Variants in NAALADL2 observed in about 807,000 individuals in gnomAD.
NAALADL2 encodes inactive N-acetylated-alpha-linked acidic dipeptidase-like protein 2.
In NAALADL2, 76 loss-of-function variants were observed where a neutral mutation model predicts 87.2. The ratio of observed to expected loss-of-function variants is 0.87; its 90% CI spans 0.72 to 1.05. NAALADL2 has a LOEUF of 1.05. NAALADL2 is among the 50% of genes least tolerant of loss of function. NAALADL2 has a pLI of 0.00. For synonymous variants in NAALADL2, 354 were observed against 331.0 expected, an observed-to-expected ratio of 1.07 and a Z score of -0.75; for missense variants, 1,089 against 945.8, an observed-to-expected ratio of 1.15 and a Z score of -1.99.
intron 1 of NAALADL2, among the ~76,000 whole-genome samples, chr3:175,095,384 C>G (rs1720973837): frequency 6.6e-6 from 1 of 151,972 alleles, no homozygotes; most frequent in Admixed American, 6.6e-5. Flanking sequence ...GGAATAAGGT[C>G]CTATTTATTT....
intron 11 of NAALADL2, among the ~76,000 whole-genome samples, chr3:175,736,479 CA>C (rs1744517956): frequency 6.6e-6 from 1 of 152,090 alleles, no homozygotes; most frequent in Non-Finnish European, 1.5e-5. Flanking sequence ...ACACACCAAA[CA>C]AAGAGTCTGT....
In NAALADL2 at chr3:175,224,601, C is replaced by T. The variant is rs558678551; in HGVS notation, c.546-9330C>T. On this transcript the variant is annotated intron_variant, in intron 2 of 13. Transcript: ENST00000454872. ...CCCACTCCCCACTGCCAAACTTTTGCTGAAAGTCTGCTCTTCTGGTATCAT... is the reference window on the plus strand; with the variant it reads ...CCCACTCCCCACTGCCAAACTTTTGTTGAAAGTCTGCTCTTCTGGTATCAT... Among the ~76,000 whole-genome samples the T allele has an allele frequency of 3.1e-4, 47 of 152,220 alleles. 1 individual carries two copies. Among genetic ancestry groups the T allele is most frequent in the Non-Finnish European group, 6.6e-4 (45 of 68,004 alleles).
chr3:175,802,849 G>A (rs1448945203), intron 13 of NAALADL2, among the ~76,000 whole-genome samples, 156 bp from the exon 14 acceptor site: 2 of 151,412 alleles, frequency 1.3e-5, no homozygotes, highest in African/African-American at 4.9e-5. Flanking sequence ...GTCTAAATTT[G>A]TTAATTCATT....
At chr3:175,342,318 T>A (rs1251113426) in intron 5 of NAALADL2, among the ~76,000 whole-genome samples, 1 of 152,070 alleles carries the variant, frequency 6.6e-6, no homozygotes, top group African/African-American at 2.4e-5. Context: ...TGATTACTTG[T>A]GGGTGGAAAG....
At chr3:175,529,707 A>C (rs1438065792) in intron 9 of NAALADL2, among the ~76,000 whole-genome samples, 1 of 152,164 alleles carries the variant, frequency 6.6e-6, no homozygotes, top group Non-Finnish European at 1.5e-5. Context: ...CCACTGCTGC[A>C]CTTCTTTAGC....
At chr3:175,214,775 G>A (rs1472325423) in intron 2 of NAALADL2, among the ~76,000 whole-genome samples, 1 of 152,010 alleles carries the variant, frequency 6.6e-6, no homozygotes, top group African/African-American at 2.4e-5. Flanking sequence ...AGTTAATAAG[G>A]ATATGATTTC....
intron 5 of NAALADL2, among the ~76,000 whole-genome samples, chr3:175,433,985 C>G (rs1718214308): frequency 6.6e-6 from 1 of 151,932 alleles, no homozygotes; most frequent in Non-Finnish European, 1.5e-5. Flanking sequence ...CCAAGTGTAT[C>G]TTCTCTCACT....
At chr3:174,885,879 T>G (rs1051772188) in intron 1 of NAALADL2, among the ~76,000 whole-genome samples, 523 of 4,932 alleles carry the variant, frequency 0.11, 11 homozygotes, top group East Asian at 0.42. Flanking sequence ...CCGAGTTGTT[T>G]TTTTTTTTTT....
intron 1 of NAALADL2, among the ~76,000 whole-genome samples, chr3:174,986,115 G>A (rs948254223): frequency 1.3e-5 from 2 of 151,444 alleles, no homozygotes; most frequent in African/African-American, 4.9e-5. Context: ...AATCTTAGCA[G>A]GTTATATATC....
intron 11 of NAALADL2, among the ~76,000 whole-genome samples, chr3:175,684,466 A>C (rs1257129638): frequency 6.6e-6 from 1 of 152,168 alleles, no homozygotes; most frequent in Non-Finnish European, 1.5e-5. Flanking sequence ...AATCCCAAAC[A>C]GCTATATAAG....
intron 4 of NAALADL2, among the ~76,000 whole-genome samples, chr3:175,316,529 C>T (rs1369208384): frequency 2.0e-5 from 3 of 152,074 alleles, no homozygotes; most frequent in Admixed American, 2.0e-4. Context: ...GACTTGACCC[C>T]GTTTTTCAGG....
intron 5 of NAALADL2, among the ~76,000 whole-genome samples, chr3:175,342,157 T>C (rs2148841645): frequency 6.6e-6 from 1 of 152,246 alleles, no homozygotes; most frequent in Admixed American, 6.5e-5. Flanking sequence ...TACATTTGCA[T>C]ATGAAGCATC....
intron 9 of NAALADL2, among the ~76,000 whole-genome samples, chr3:175,530,738 C>CAGG (rs1377869083): frequency 6.6e-6 from 1 of 152,116 alleles, no homozygotes; most frequent in Non-Finnish European, 1.5e-5. Context: ...CTTGTGCCTT[C>CAGG]AGGACCTGCT....
At chr3:175,520,282 A>ATTTTTT (rs35580351) in intron 9 of NAALADL2, among the ~76,000 whole-genome samples, 1 of 78,144 alleles carries the variant, frequency 1.3e-5, no homozygotes, top group Non-Finnish European at 2.4e-5. Context: ...AAAGAATGCA[A>ATTTTTT]TTTTTTTTTT....
At chr3:175,206,725 G>C (rs1433031170) in intron 2 of NAALADL2, among the ~76,000 whole-genome samples, 1 of 152,044 alleles carries the variant, frequency 6.6e-6, no homozygotes, top group Non-Finnish European at 1.5e-5. Flanking sequence ...AAAGAGCATA[G>C]AGAAAACCAA....
intron 3 of NAALADL2, among the ~76,000 whole-genome samples, chr3:174,805,222 C>T (rs1259424260): frequency 6.6e-6 from 1 of 152,086 alleles, no homozygotes; most frequent in Non-Finnish European, 1.5e-5. Context: ...TACTTATTAA[C>T]AAACCTGGGA....
intron 1 of NAALADL2, among the ~76,000 whole-genome samples, chr3:174,874,757 G>A (rs1728265121): frequency 6.6e-6 from 1 of 152,028 alleles, no homozygotes; most frequent in Non-Finnish European, 1.5e-5. Flanking sequence ...AAATACACAT[G>A]TGTCTTGAAC....
rs1721237175 is a variant in NAALADL2, at chr3:175,096,787, CA to C, written c.44-2del. 1 of 1,451,876 alleles carries C rather than the reference CA, an allele frequency of 6.9e-7. No individual in the cohort carries two copies. The highest frequency in any genetic ancestry group is 1.4e-5 in the African/African-American group (1 of 69,368). 89.9% of individuals were successfully genotyped at this position (1,451,876 alleles called of 1,614,324 possible). On this transcript the variant is annotated splice_acceptor_variant, in intron 1 of 13. Transcript: ENST00000454872. LOFTEE classifies it high-confidence loss of function. ...TTAAAATATATTTTTCTTATTTTCA[CA>C]GGTAAAAAGATGGCCTATCAGAAGG...
chr3:175,467,209 C>G, intron 8 of NAALADL2, 25 bp downstream of exon 8: 1 of 1,569,926 alleles, frequency 6.4e-7, no homozygotes, highest in South Asian at 1.1e-5. Context: ...ACATTAATTA[C>G]AGTGCTTTTC....
Sources: gnomAD v4.1 joint callset for allele counts (sites outside exome capture counted in the v4.1 genomes callset) on GRCh38, gnomAD v4.1.1 for gene constraint, MANE v1.5 for transcripts, NCBI Gene and HGNC (gene_info 2026-07-23, HGNC 2026-07-21) for gene names.